The following LYPD6B variants were observed in gnomAD, a reference collection of about 807,000 sequenced individuals.
LYPD6B encodes the protein LY6/PLAUR domain containing 6B.
LYPD6B carries 17 observed loss-of-function variants against 22.8 expected under a neutral mutation model. The ratio of observed to expected loss-of-function variants is 0.75; its 90% CI spans 0.51 to 1.12. The LOEUF (loss-of-function observed/expected upper bound fraction) is 1.12, where lower values mean the gene tolerates loss of function less well. Ranked by LOEUF, LYPD6B falls within the 50% of genes most tolerant of loss-of-function variation. The pLI is 0.00. For synonymous variants in LYPD6B, 106 were observed against 91.6 expected, an observed-to-expected ratio of 1.16 and a Z score of -0.90; for missense variants, 221 against 258.3, an observed-to-expected ratio of 0.86 and a Z score of 0.99.
intron 1 of LYPD6B, among the ~76,000 whole-genome samples, chr2:149,058,828 C>T (rs200654394): frequency 2.0e-5 from 3 of 152,326 alleles, no homozygotes; most frequent in East Asian, 3.9e-4. Flanking sequence ...GCATGTTGGC[C>T]AGGCTGGTCT....
intron 3 of LYPD6B, 133 bp from the exon 4 acceptor site, chr2:149,205,120 G>A (rs926855368): frequency 3.2e-5 from 27 of 836,118 alleles, no homozygotes; most frequent in Non-Finnish European, 4.2e-5. Context: ...CAATTTACTC[G>A]CAGGTCCTGG....
intron 1 of LYPD6B, among the ~76,000 whole-genome samples, chr2:149,105,482 T>G (rs755617750): frequency 1.3e-5 from 2 of 152,230 alleles, no homozygotes; most frequent in African/African-American, 4.8e-5. Context: ...TTTCTTTACG[T>G]TGTTTCAGCA....
At chr2:149,125,179 T>C (rs1248580847) in intron 1 of LYPD6B, among the ~76,000 whole-genome samples, 1 of 152,116 alleles carries the variant, frequency 6.6e-6, no homozygotes, top group African/African-American at 2.4e-5. Flanking sequence ...CAAACACATC[T>C]TACCTCCCAG....
intron 1 of LYPD6B, among the ~76,000 whole-genome samples, chr2:149,110,862 G>T (rs1686722818): frequency 6.6e-6 from 1 of 152,068 alleles, no homozygotes; most frequent in African/African-American, 2.4e-5. Context: ...GAAAAATAAG[G>T]CAGAGTAAAA....
chr2:149,096,276 C>G (rs1283890526), intron 1 of LYPD6B, among the ~76,000 whole-genome samples: 1 of 151,882 alleles, frequency 6.6e-6, no homozygotes, highest in Non-Finnish European at 1.5e-5. Context: ...TAGAACCAGT[C>G]GGGAGGGACA....
At chr2:149,168,690 T>C (rs1690601431) in intron 3 of LYPD6B, among the ~76,000 whole-genome samples, 1 of 152,224 alleles carries the variant, frequency 6.6e-6, no homozygotes, top group Non-Finnish European at 1.5e-5. Context: ...GGATGGCAGA[T>C]CTATGTAACC....
chr2:149,081,175 G>A (rs1260209822), intron 1 of LYPD6B, among the ~76,000 whole-genome samples: 1 of 152,126 alleles, frequency 6.6e-6, no homozygotes. Context: ...CATAATAGAA[G>A]ATCAAAGGCC....
At chr2:149,178,495 G>A (rs1399410970) in intron 3 of LYPD6B, among the ~76,000 whole-genome samples, 2 of 151,572 alleles carry the variant, frequency 1.3e-5, no homozygotes, top group African/African-American at 4.9e-5. Context: ...AACAAACAAC[G>A]AAGTGACGGA....
rs1303681021 is a variant in LYPD6B, at chr2:149,132,855, A to G, written c.5+1902A>G. On this transcript the variant is annotated intron_variant, in intron 2 of 6. Transcript: ENST00000409642. ...GTTTCAAAGTCTGTCCAAAGCCCTC[A>G]GTTTCTGAGAACTGATGCTATTATT... Among the ~76,000 whole-genome samples the G allele has an allele frequency of 3.3e-5, 5 of 152,324 alleles. No homozygotes were observed. In the East Asian group the frequency reaches 5.8e-4, roughly 18 times the overall value.
intron 1 of LYPD6B, among the ~76,000 whole-genome samples, chr2:149,110,471 A>C (rs1686703695): frequency 6.6e-6 from 1 of 152,086 alleles, no homozygotes; most frequent in South Asian, 2.1e-4. Flanking sequence ...GATGCAGTTA[A>C]ATTTCTTGGA....
intron 1 of LYPD6B, among the ~76,000 whole-genome samples, chr2:149,127,945 T>C (rs1479024265): frequency 6.6e-6 from 1 of 152,136 alleles, no homozygotes; most frequent in African/African-American, 2.4e-5. Context: ...CTTGAGGTCA[T>C]TGGCCAGAGA....
chr2:149,056,819 C>T (rs1235669042), intron 1 of LYPD6B, among the ~76,000 whole-genome samples: 1 of 152,148 alleles, frequency 6.6e-6, no homozygotes, highest in Non-Finnish European at 1.5e-5. Context: ...CCTGCGAAGA[C>T]TACTCAGCAT....
At chr2:149,144,230 A>G (rs1688871749) in intron 2 of LYPD6B, among the ~76,000 whole-genome samples, 1 of 152,212 alleles carries the variant, frequency 6.6e-6, no homozygotes, top group Admixed American at 6.5e-5. Flanking sequence ...CCAGCCTGCC[A>G]GTTTCTGTAT....
intron 3 of LYPD6B, among the ~76,000 whole-genome samples, chr2:149,173,474 T>C (rs1372342129): frequency 6.6e-6 from 1 of 151,786 alleles, no homozygotes; most frequent in East Asian, 1.9e-4. Flanking sequence ...AATTCATTCA[T>C]TCAAGTAATT....
intron 3 of LYPD6B, chr2:149,188,856 A>T (rs1008288338): frequency 6.2e-6 from 1 of 160,896 alleles, no homozygotes; most frequent in Non-Finnish European, 1.3e-5. Context: ...ACTCGAGGTC[A>T]TTGTTTTCTA....
intron 1 of LYPD6B, among the ~76,000 whole-genome samples, chr2:149,120,452 G>A (rs1449053190): frequency 2.3e-5 from 3 of 131,958 alleles, no homozygotes; most frequent in African/African-American, 5.7e-5. Flanking sequence ...GCGCGATCTC[G>A]GCTCACTGCA....
intron 2 of LYPD6B, among the ~76,000 whole-genome samples, chr2:149,152,203 A>G (rs1265100915): frequency 1.3e-5 from 2 of 152,160 alleles, no homozygotes; most frequent in African/African-American, 4.8e-5. Flanking sequence ...ATTATCCCCT[A>G]TCACCAAACG....
chr2:149,138,965 C>T (rs1240874501), intron 2 of LYPD6B, among the ~76,000 whole-genome samples: 2 of 152,226 alleles, frequency 1.3e-5, no homozygotes, highest in Admixed American at 1.3e-4. Flanking sequence ...CACATGAAAA[C>T]TACGTGAACT....
chr2:149,139,880 G>A (rs1462457897), intron 2 of LYPD6B, among the ~76,000 whole-genome samples: 1 of 152,184 alleles, frequency 6.6e-6, no homozygotes, highest in East Asian at 1.9e-4. Flanking sequence ...AGAGACATAT[G>A]TCTTACATTT....
Sources: gnomAD v4.1 joint callset for allele counts (sites outside exome capture counted in the v4.1 genomes callset) on GRCh38, gnomAD v4.1.1 for gene constraint, MANE v1.5 for transcripts, NCBI Gene and HGNC (gene_info 2026-07-23, HGNC 2026-07-21) for gene names.